Variants in CLEC16A observed in about 807,000 individuals in gnomAD.
CLEC16A encodes the protein C-type lectin domain containing 16A.
Under a neutral mutation model 109.5 loss-of-function variants are expected in CLEC16A, and 51 were observed. The observed-to-expected ratio is 0.47, with a 90% CI of 0.37 to 0.59. CLEC16A has a LOEUF of 0.59. Ranked by LOEUF, CLEC16A falls within the 20% of genes least tolerant of loss-of-function variation. The probability of loss-of-function intolerance (pLI) is 0.00; values close to 1 mark genes in which losing one functional copy is unlikely to be tolerated. For synonymous variants in CLEC16A, 673 were observed against 564.2 expected, an observed-to-expected ratio of 1.19 and a Z score of -2.73; for missense variants, 1,339 against 1,394.0, an observed-to-expected ratio of 0.96 and a Z score of 0.63.
At chr16:11,166,995 C>T (rs140774896) in intron 23 of CLEC16A, among the ~76,000 whole-genome samples, 238 of 152,116 alleles carry the variant, frequency 1.6e-3, no homozygotes, top group African/African-American at 5.1e-3. Context: ...TCCAGTTGTT[C>T]GAGTAGGCAC....
chr16:11,128,814 C>G (rs1412241347), intron 22 of CLEC16A, among the ~76,000 whole-genome samples: 1 of 152,062 alleles, frequency 6.6e-6, no homozygotes, highest in Non-Finnish European at 1.5e-5. Context: ...TGCTTGGCCT[C>G]CAGAAAATAC....
At chr16:11,032,378 C>T (rs1188011058) in intron 13 of CLEC16A, among the ~76,000 whole-genome samples, 1 of 152,168 alleles carries the variant, frequency 6.6e-6, no homozygotes, top group Non-Finnish European at 1.5e-5. Flanking sequence ...CTCTGCACCT[C>T]TCAGAATGGG....
intron 21 of CLEC16A, 56 bp from the exon 22 acceptor site, chr16:11,125,912 CCCAAATTCTCA>C: frequency 8.9e-6 from 2 of 225,730 alleles, no homozygotes; most frequent in Non-Finnish European, 1.9e-5. Context: ...TGTCCCCCCC[CCCAAATTCTCA>C]CCACCCCCCT....
intron 19 of CLEC16A, among the ~76,000 whole-genome samples, chr16:11,086,623 A>G (rs140757327): frequency 1.3e-5 from 2 of 152,026 alleles, no homozygotes; most frequent in African/African-American, 4.8e-5. Flanking sequence ...GCTCACTGCA[A>G]CCTCCGCCTC....
chr16:11,103,390 G>A (rs547703309), intron 19 of CLEC16A, among the ~76,000 whole-genome samples: 2 of 152,308 alleles, frequency 1.3e-5, no homozygotes, highest in South Asian at 4.1e-4. Flanking sequence ...GACCAGCCTG[G>A]CCAACATGGT....
intron 19 of CLEC16A, chr16:11,066,355 G>A (rs138844899): frequency 1.3e-4 from 20 of 152,932 alleles, no homozygotes; most frequent in South Asian, 2.1e-4. Context: ...CAGAGAGCTC[G>A]GTTAACTCTG....
intron 22 of CLEC16A, among the ~76,000 whole-genome samples, chr16:11,155,296 G>C (rs955770603): frequency 6.6e-6 from 1 of 152,226 alleles, no homozygotes; most frequent in African/African-American, 2.4e-5. Context: ...CTGCTTTAGA[G>C]TGACAACAGT....
At chr16:11,003,369 C>A in intron 11 of CLEC16A, 64 bp downstream of exon 11, 1 of 1,324,732 alleles carries the variant, frequency 7.5e-7, no homozygotes, top group Non-Finnish European at 1.1e-6. Flanking sequence ...GCGAGGCTGC[C>A]ACCTGTGCCC....
At chr16:11,129,855 C>T (rs1476294375) in intron 22 of CLEC16A, among the ~76,000 whole-genome samples, 4 of 151,848 alleles carry the variant, frequency 2.6e-5, no homozygotes, top group Admixed American at 6.6e-5. Context: ...CTCCGCCTCC[C>T]GGGTTCACAC....
At chr16:11,071,940 A>G (rs530682489) in intron 19 of CLEC16A, among the ~76,000 whole-genome samples, 2 of 151,682 alleles carry the variant, frequency 1.3e-5, no homozygotes, top group Non-Finnish European at 2.9e-5. Flanking sequence ...CTGTGGGAGT[A>G]TGTTCTTGTT....
chr16:11,052,388 A>T (rs2047994680), intron 18 of CLEC16A, among the ~76,000 whole-genome samples: 1 of 152,274 alleles, frequency 6.6e-6, no homozygotes, highest in African/African-American at 2.4e-5. Context: ...TTCGTGTGTG[A>T]CAGAGGTGTT....
At chr16:11,085,747 A>T (rs2049975454) in intron 19 of CLEC16A, among the ~76,000 whole-genome samples, 1 of 152,130 alleles carries the variant, frequency 6.6e-6, no homozygotes, top group Non-Finnish European at 1.5e-5. Flanking sequence ...GTGCGCCACC[A>T]CACCCAGCTC....
chr16:11,143,737 G>T (rs928583826), intron 22 of CLEC16A, among the ~76,000 whole-genome samples: 11 of 152,150 alleles, frequency 7.2e-5, no homozygotes, highest in African/African-American at 2.7e-4. Flanking sequence ...GCTGTTAAAG[G>T]CATCTTCCAT....
At chr16:11,030,737 C>A (rs1193927445) in intron 13 of CLEC16A, among the ~76,000 whole-genome samples, 1 of 152,186 alleles carries the variant, frequency 6.6e-6, no homozygotes, top group Non-Finnish European at 1.5e-5. Context: ...CTCCGCCTCC[C>A]AGGTTCAAGC....
At chr16:11,075,581 C>T (rs1305284289) in intron 19 of CLEC16A, among the ~76,000 whole-genome samples, 1 of 152,028 alleles carries the variant, frequency 6.6e-6, no homozygotes, top group Admixed American at 6.6e-5. Flanking sequence ...GGACCACAGG[C>T]ATGTGCTACC....
chr16:11,166,247 G>A (rs918893598), intron 22 of CLEC16A, 141 bp from the exon 23 acceptor site: 7 of 872,900 alleles, frequency 8.0e-6, no homozygotes, highest in East Asian at 3.1e-5. Context: ...TCAGGGCCAC[G>A]ACCAGTGAGG....
At position 11,107,361 on chromosome 16, in the gene CLEC16A, A is replaced by G. The variant is rs2152994763; in HGVS notation, c.2117-13254A>G. On this transcript the variant is annotated intron_variant, in intron 19 of 23. Coordinates refer to ENST00000409790, the MANE Select transcript of CLEC16A (RefSeq NM_015226.3). The stretch of plus-strand genomic sequence containing the variant: ...CACACTTCACAACTGCCCCCTTTTC[A>G]TGCTGGGAAGGAATGCTTTAGGGAG... 2.6e-5 allele frequency among the ~76,000 whole-genome samples: 4 copies of G among 152,156 alleles called. No individual in the cohort carries two copies. In the East Asian group the frequency reaches 7.7e-4, roughly 29 times the overall value.
At chr16:11,122,536 C>G (rs1309162805) in intron 20 of CLEC16A, among the ~76,000 whole-genome samples, 2 of 152,132 alleles carry the variant, frequency 1.3e-5, no homozygotes, top group Non-Finnish European at 2.9e-5. Context: ...CTATACCAGA[C>G]TCCCTGCTTT....
intron 12 of CLEC16A, among the ~76,000 whole-genome samples, chr16:11,023,767 C>G (rs894876084): frequency 6.6e-6 from 1 of 152,190 alleles, no homozygotes; most frequent in Non-Finnish European, 1.5e-5. Context: ...TTCATTGGAG[C>G]TTGGGTGTCC....
Sources: allele counts gnomAD v4.1 joint callset (sites outside exome capture counted in the v4.1 genomes callset), GRCh38; gene constraint gnomAD v4.1.1; transcripts MANE v1.5; gene names NCBI Gene and HGNC (gene_info 2026-07-23, HGNC 2026-07-21).